PKHD1L1: variants seen among roughly 807,000 people sequenced by gnomAD.
The protein encoded by PKHD1L1 is fibrocystin-L.
Under a neutral mutation model 462.9 loss-of-function variants are expected in PKHD1L1, and 434 were observed. The observed-to-expected ratio is 0.94, with a 90% CI of 0.87 to 1.02. PKHD1L1 has a LOEUF of 1.02. PKHD1L1 is among the 50% of genes least tolerant of loss of function. The pLI is 0.00. For missense variants in PKHD1L1, 5,202 were observed against 5,096.1 expected (o/e 1.02, Z -0.63); for synonymous variants, 1,781 against 1,750.0 (o/e 1.02, Z -0.44).
chr8:109,479,297 A>G (rs757902828), intron 53 of PKHD1L1, among the ~76,000 whole-genome samples: 26 of 152,190 alleles, frequency 1.7e-4, no homozygotes, highest in South Asian at 1.2e-3. Flanking sequence ...GCTTAATGGC[A>G]TTGGTGCATC....
intron 21 of PKHD1L1, among the ~76,000 whole-genome samples, chr8:109,415,728 G>T (rs1394061225): frequency 1.3e-5 from 2 of 151,800 alleles, no homozygotes; most frequent in African/African-American, 4.8e-5. Flanking sequence ...GCACACCTGT[G>T]GTCCCAGGTA....
chr8:109,519,248 C>T (rs193049267), intron 73 of PKHD1L1, among the ~76,000 whole-genome samples: 1 of 152,054 alleles, frequency 6.6e-6, no homozygotes, highest in Non-Finnish European at 1.5e-5. Flanking sequence ...AAAAAATAAG[C>T]TCAACTGTCC....
chr8:109,468,535 A>C (rs150634624), intron 50 of PKHD1L1, among the ~76,000 whole-genome samples: 248 of 152,338 alleles, frequency 1.6e-3, no homozygotes, highest in African/African-American at 5.8e-3. Flanking sequence ...AATTAGTTGC[A>C]ATACTCAGAC....
intron 23 of PKHD1L1, among the ~76,000 whole-genome samples, chr8:109,424,727 A>G (rs2073706302): frequency 6.6e-6 from 1 of 152,208 alleles, no homozygotes; most frequent in South Asian, 2.1e-4. Context: ...TTTAATAGCC[A>G]AGACCACATC....
intron 32 of PKHD1L1, among the ~76,000 whole-genome samples, chr8:109,439,629 G>A (rs182339412): frequency 4.1e-4 from 62 of 152,208 alleles, no homozygotes; most frequent in Admixed American, 1.6e-3. Flanking sequence ...CCAAGAAATG[G>A]GTAGGAGGTG....
rs1156302199 is a variant in PKHD1L1 at position 109,438,373 on chromosome 8, C to T, written c.3677C>T (p.Ala1226Val). Reference protein sequence around the residue: ...DISVTTNGFQATARDAFSYNC... With the variant: ...DISVTTNGFQVTARDAFSYNC... Reference sequence around the variant, plus strand: ...TCAGTTACTACCAATGGATTTCAAGCCACAGCAAGGGATGCTTTTAGTTAT... The same window carrying T: ...TCAGTTACTACCAATGGATTTCAAGTCACAGCAAGGGATGCTTTTAGTTAT... The change falls in exon 31 of 78, where the codon GCC becomes GTC. Residue 1226 changes from alanine to valine, a missense_variant. Around this residue, in one of 3 missense-constraint regions of PKHD1L1, gnomAD observed 4,497 missense variants for 4,336.8 expected, o/e 1.04. Transcript: ENST00000378402. 3 of 1,541,996 alleles carry T rather than the reference C, an allele frequency of 1.9e-6. No individual in the cohort carries two copies. Among genetic ancestry groups the T allele is most frequent in the African/African-American group, 1.4e-5 (1 of 72,996 alleles).
intron 4 of PKHD1L1, among the ~76,000 whole-genome samples, chr8:109,383,148 TA>T (rs1812224053): frequency 1.6e-5 from 1 of 62,092 alleles, no homozygotes; most frequent in African/African-American, 7.2e-5. Context: ...TTGTATATAT[TA>T]TATATATTTA....
At chr8:109,402,481 A>G (rs572160645) in intron 14 of PKHD1L1, among the ~76,000 whole-genome samples, 2 of 152,258 alleles carry the variant, frequency 1.3e-5, no homozygotes, top group African/African-American at 4.8e-5. Context: ...CTCATCATCC[A>G]GGAGACTAGC....
rs753784633 is a variant in PKHD1L1, at chr8:109,448,318, G to A, written c.5952G>A (p.Lys1984=). The part of the protein sequence containing the change: ...GGTFPVMMHH[K]TKGSAMSTVV... ...CATTTCCTGTTATGATGCATCATAA[G>A]ACAAAAGGCTCAGCCATGTCCACAG... The change falls in exon 39 of 78, where the codon AAG becomes AAA. Residue 1984 remains lysine, a synonymous_variant. Coordinates refer to ENST00000378402, the MANE Select transcript of PKHD1L1 (RefSeq NM_177531.6). 17 of 1,613,448 alleles carry A rather than the reference G, an allele frequency of 1.1e-5. No individual in the cohort carries two copies. In the South Asian group the frequency reaches 1.6e-4, roughly 16 times the overall value.
In PKHD1L1 at chr8:109,384,131, TG is replaced by T; in HGVS notation, c.475+5del. The T allele has an allele frequency of 6.2e-7, 1 of 1,602,164 alleles. No individual in the cohort carries two copies. On this transcript the variant is annotated splice_donor_5th_base_variant and intron_variant, in intron 5 of 77. Coordinates refer to ENST00000378402, the MANE Select transcript of PKHD1L1 (RefSeq NM_177531.6). ...ACACCTTTATCTGGAACTCCAGGTC[TG>T]TTATATGACATCTGAAATAACTTTT...
rs2130922273 is a variant in PKHD1L1 at position 109,491,918 on chromosome 8, T to C, written c.10160T>C (p.Ile3387Thr). Residue 3387 changes from isoleucine (I) to threonine (T), a missense_variant, in exon 62 of 78, where the codon ATT becomes ACT. Around this residue, in one of 3 missense-constraint regions of PKHD1L1, gnomAD observed 4,497 missense variants for 4,336.8 expected, o/e 1.04. Coordinates refer to ENST00000378402, the MANE Select transcript of PKHD1L1 (RefSeq NM_177531.6). ...GCCAACCGAGTCCGAGGGAATTTGATTGCACTTTCGGTTTGGCCAGGAACC... is the reference window on the plus strand; with the variant it reads ...GCCAACCGAGTCCGAGGGAATTTGACTGCACTTTCGGTTTGGCCAGGAACC... Reference protein sequence around the residue: ...GNANRVRGNLIALSVWPGTYQ... With the variant: ...GNANRVRGNLTALSVWPGTYQ... 4 of 1,604,798 alleles carry C rather than the reference T, an allele frequency of 2.5e-6. No individual in the cohort carries two copies. The highest frequency in any genetic ancestry group is 2.2e-5 in the East Asian group (1 of 44,748).
At chr8:109,501,173 G>T (rs1416690232) in intron 67 of PKHD1L1, among the ~76,000 whole-genome samples, 1 of 152,008 alleles carries the variant, frequency 6.6e-6, no homozygotes, top group East Asian at 1.9e-4. Context: ...ATTTTTTGCA[G>T]GTTGTCATTT....
intron 47 of PKHD1L1, among the ~76,000 whole-genome samples, chr8:109,460,952 C>T (rs1817089355): frequency 6.6e-6 from 1 of 152,092 alleles, no homozygotes; most frequent in African/African-American, 2.4e-5. Flanking sequence ...ACAGGTGTCT[C>T]TTATACTCAA....
intron 9 of PKHD1L1, among the ~76,000 whole-genome samples, chr8:109,393,828 C>G (rs187784037): frequency 6.6e-6 from 1 of 152,118 alleles, no homozygotes; most frequent in Admixed American, 6.5e-5. Context: ...AAGATCCCAG[C>G]CTTTATAAAG....
chr8:109,397,739 T>C (rs1293297490), intron 11 of PKHD1L1, among the ~76,000 whole-genome samples: 1 of 152,078 alleles, frequency 6.6e-6, no homozygotes, highest in Non-Finnish European at 1.5e-5. Context: ...AAAATTTAAA[T>C]TTTCCAGGCT....
intron 2 of PKHD1L1, among the ~76,000 whole-genome samples, chr8:109,376,576 C>T (rs773353852): frequency 9.2e-5 from 14 of 152,124 alleles, no homozygotes; most frequent in South Asian, 2.1e-4. Context: ...AGAAATCACA[C>T]GTCTTCTGCA....
Position 109,464,566 on chromosome 8 carries a change from T to C in PKHD1L1, c.7734T>C (p.Gly2578=). The C allele has an allele frequency of 6.2e-7, 1 of 1,613,494 alleles. No homozygotes were observed. Among genetic ancestry groups the C allele is most frequent in the Non-Finnish European group, 8.5e-7 (1 of 1,179,780 alleles). ...CCATACGACACAATGCTGTTGCTGG[T>C]GGCACTCACTTTGGCTTTTGGTACC... ...NNTIRHNAVA[G]GTHFGFWYRM... Residue 2578 remains glycine, a synonymous_variant, in exon 49 of 78, where the codon GGT becomes GGC. Coordinates refer to ENST00000378402, the MANE Select transcript of PKHD1L1 (RefSeq NM_177531.6).
intron 2 of PKHD1L1, among the ~76,000 whole-genome samples, chr8:109,371,790 GT>G (rs1221639666): frequency 6.6e-6 from 1 of 151,982 alleles, no homozygotes; most frequent in African/African-American, 2.4e-5. Context: ...TTTTTGTCAG[GT>G]TTTTCAAAGA....
At chr8:109,432,444 A>G (rs1815161146) in intron 27 of PKHD1L1, among the ~76,000 whole-genome samples, 1 of 152,138 alleles carries the variant, frequency 6.6e-6, no homozygotes, top group South Asian at 2.1e-4. Context: ...TGTAGAATCT[A>G]TATTGTGCAT....
Sources: gnomAD v4.1 joint callset for allele counts (sites outside exome capture counted in the v4.1 genomes callset) on GRCh38, gnomAD v4.1.1 for gene constraint, gnomAD v4.1.1 regional missense constraint, MANE v1.5 for transcripts, NCBI Gene and HGNC (gene_info 2026-07-23, HGNC 2026-07-21) for gene names.